The following FBXO36 variants were observed in gnomAD, a reference collection of about 807,000 sequenced individuals.
FBXO36 encodes the protein F-box protein 36.
A neutral mutation model predicts 17.0 loss-of-function variants in FBXO36; 18 were observed. The observed-to-expected ratio is 1.06, with a 90% CI of 0.73 to 1.57. The LOEUF (loss-of-function observed/expected upper bound fraction) is 1.57. Ranked by LOEUF, FBXO36 falls within the 40% of genes most tolerant of loss-of-function variation. FBXO36 has a pLI of 0.00. For synonymous variants in FBXO36, 83 were observed against 85.3 expected (o/e 0.97, Z 0.15); for missense variants, 229 against 221.9 (o/e 1.03, Z -0.20).
chr2:229,962,992 A>G (rs888443256), intron 1 of FBXO36, among the ~76,000 whole-genome samples: 2 of 151,052 alleles, frequency 1.3e-5, no homozygotes, highest in African/African-American at 4.9e-5. Context: ...ATTCTTTTTT[A>G]GGGTAGCACA....
intron 2 of FBXO36, among the ~76,000 whole-genome samples, chr2:229,990,026 C>G (rs1329172682): frequency 6.6e-6 from 1 of 151,664 alleles, no homozygotes; most frequent in African/African-American, 2.4e-5. Context: ...GAGCAAACTC[C>G]CTGGGTTCAA....
chr2:229,988,842 T>G (rs56218848), intron 2 of FBXO36, among the ~76,000 whole-genome samples: 27,868 of 129,640 alleles, frequency 0.21, 2,791 homozygotes, highest in Middle Eastern at 0.34. Flanking sequence ...TTTTTTTTTT[T>G]TGTTTTTTTT....
chr2:229,931,949 A>C (rs1183350478), intron 1 of FBXO36, among the ~76,000 whole-genome samples: 38 of 129,934 alleles, frequency 2.9e-4, no homozygotes, highest in Non-Finnish European at 5.5e-4. Flanking sequence ...CAGGGTCTTG[A>C]TCTGTCACCT....
chr2:229,954,037 T>C (rs2077070976), intron 1 of FBXO36, among the ~76,000 whole-genome samples: 1 of 151,870 alleles, frequency 6.6e-6, no homozygotes, highest in Admixed American at 6.6e-5. Flanking sequence ...GCTAATTTAT[T>C]TATTTTTGTA....
chr2:229,992,626 G>A (rs938876247), intron 2 of FBXO36, among the ~76,000 whole-genome samples: 24 of 152,180 alleles, frequency 1.6e-4, no homozygotes, highest in African/African-American at 5.6e-4. Context: ...TTCCACTGTG[G>A]CAGCACATCT....
At chr2:229,942,986 C>G (rs958030372) in intron 1 of FBXO36, 1 of 152,326 alleles carries the variant, frequency 6.6e-6, no homozygotes, top group South Asian at 2.1e-4. Flanking sequence ...TCCAAATAGT[C>G]TCATATGGAT....
Position 229,954,462 on chromosome 2 carries a change from C to T in FBXO36, c.97-21779C>T, listed in dbSNP as rs575683800. 2.7e-4 allele frequency among the ~76,000 whole-genome samples: 40 copies of T among 150,926 alleles called. 1 individual carries two copies. Among genetic ancestry groups the T allele is most frequent in the African/African-American group, 8.7e-4 (36 of 41,186 alleles). ...TTTGCCCTGTTGGCTAGGCTGTTCTCAAACTCCTGACCTCAAGTGATCTGC... is the reference window on the plus strand; with the variant it reads ...TTTGCCCTGTTGGCTAGGCTGTTCTTAAACTCCTGACCTCAAGTGATCTGC... On this transcript the variant is annotated intron_variant, in intron 1 of 3. Transcript: ENST00000283946.
chr2:229,959,181 A>C (rs552729315), intron 1 of FBXO36, among the ~76,000 whole-genome samples: 47 of 152,220 alleles, frequency 3.1e-4, no homozygotes, highest in African/African-American at 1.1e-3. Flanking sequence ...TTTTTAAAAT[A>C]ATTTTTAATT....
intron 2 of FBXO36, among the ~76,000 whole-genome samples, chr2:229,993,794 G>A (rs376279487): frequency 2.6e-5 from 4 of 151,988 alleles, no homozygotes; most frequent in East Asian, 1.9e-4. Context: ...TGGCAGGGAC[G>A]GAGTTTGGCT....
At chr2:229,922,949 G>T (rs534900129) in intron 1 of FBXO36, among the ~76,000 whole-genome samples, 1 of 152,316 alleles carries the variant, frequency 6.6e-6, no homozygotes, top group Admixed American at 6.5e-5. Flanking sequence ...TCACCTCAGC[G>T]TGAGAAGGAG....
rs539014525 is a variant in FBXO36, at chr2:229,929,935, A to G, written c.96+7326A>G. Among the ~76,000 whole-genome samples, 24 of 152,328 alleles carry G rather than the reference A, an allele frequency of 1.6e-4. No homozygotes were observed. In the South Asian group the frequency reaches 4.1e-3, roughly 26 times the overall value. On this transcript the variant is annotated intron_variant, in intron 1 of 3. Transcript: ENST00000283946. ...CCACTGACCACCGTCCACAGCCAAA[A>G]TGTTTCCACACAGAAAGAACTACTG...
At chr2:229,969,095 C>G (rs184677103) in intron 1 of FBXO36, among the ~76,000 whole-genome samples, 1 of 152,204 alleles carries the variant, frequency 6.6e-6, no homozygotes, top group East Asian at 1.9e-4. Context: ...CCCTTATAAA[C>G]TTGAGTAAAT....
At chr2:229,944,051 A>T (rs1577332865) in intron 1 of FBXO36, among the ~76,000 whole-genome samples, 1 of 151,446 alleles carries the variant, frequency 6.6e-6, no homozygotes, top group Non-Finnish European at 1.5e-5. Context: ...CTTCCCCTTC[A>T]CCTTCCATCA....
intron 1 of FBXO36, among the ~76,000 whole-genome samples, chr2:229,944,307 G>A (rs548922709): frequency 6.6e-6 from 1 of 152,276 alleles, no homozygotes; most frequent in Admixed American, 6.5e-5. Flanking sequence ...AGCAAACAAA[G>A]GAGAGATTTG....
In FBXO36 at chr2:229,993,985, G is replaced by T. The variant is rs1277088048; in HGVS notation, c.206-2766G>T. Among the ~76,000 whole-genome samples the T allele has an allele frequency of 4.6e-5, 7 of 152,018 alleles. No homozygotes were observed. In the East Asian group the frequency reaches 1.4e-3, roughly 29 times the overall value. ...GACAGGGATTCACTGTGTTAGCCAGGTTGGTCTCGATCTCCTGACCTCGTG... is the reference window on the plus strand; with the variant it reads ...GACAGGGATTCACTGTGTTAGCCAGTTTGGTCTCGATCTCCTGACCTCGTG... On this transcript the variant is annotated intron_variant, in intron 2 of 3. Coordinates refer to ENST00000283946, the MANE Select transcript of FBXO36 (RefSeq NM_174899.5).
At chr2:229,969,339 C>T (rs919759962) in intron 1 of FBXO36, among the ~76,000 whole-genome samples, 6 of 151,596 alleles carry the variant, frequency 4.0e-5, no homozygotes, top group African/African-American at 7.3e-5. Flanking sequence ...ACCTCAGCCT[C>T]CCTAGTAGCT....
rs977667405 is a variant in FBXO36 at position 229,967,018 on chromosome 2, G to A, written c.97-9223G>A. Among the ~76,000 whole-genome samples the A allele has an allele frequency of 6.8e-4, 103 of 152,178 alleles. 1 individual carries two copies. The highest frequency in any genetic ancestry group is 2.4e-3 in the African/African-American group (101 of 41,446). Reference sequence around the variant, plus strand: ...TTCTTCCTACCCATGAGCATGGAATGTTCTTCCATTTGTTGGTATCCTCTT... The same window carrying A: ...TTCTTCCTACCCATGAGCATGGAATATTCTTCCATTTGTTGGTATCCTCTT... On this transcript the variant is annotated intron_variant, in intron 1 of 3. Coordinates refer to ENST00000283946, the MANE Select transcript of FBXO36 (RefSeq NM_174899.5).
At chr2:229,943,823 T>C (rs1428119638) in intron 1 of FBXO36, among the ~76,000 whole-genome samples, 1 of 152,120 alleles carries the variant, frequency 6.6e-6, no homozygotes, top group Non-Finnish European at 1.5e-5. Context: ...CCCCCAAATA[T>C]GGTTTGGATT....
chr2:229,926,715 G>A (rs2076914041), intron 1 of FBXO36, among the ~76,000 whole-genome samples: 1 of 151,596 alleles, frequency 6.6e-6, no homozygotes, highest in Non-Finnish European at 1.5e-5. Flanking sequence ...CTGGGCAACA[G>A]AGTGAGACCC....
Sources: allele counts gnomAD v4.1 joint callset (sites outside exome capture counted in the v4.1 genomes callset), GRCh38; gene constraint gnomAD v4.1.1; transcripts MANE v1.5; gene names NCBI Gene and HGNC (gene_info 2026-07-23, HGNC 2026-07-21).